The following DNMT3A variants were observed in gnomAD, a reference collection of about 807,000 sequenced individuals.
DNMT3A encodes DNA (cytosine-5)-methyltransferase 3A.
A neutral mutation model predicts 117.6 loss-of-function variants in DNMT3A; 267 were observed. The ratio of observed to expected loss-of-function variants is 2.27; its 90% CI spans 2.05 to 2.51. The LOEUF (loss-of-function observed/expected upper bound fraction) is 2.51. DNMT3A is among the 30% of genes most tolerant of loss of function. DNMT3A has a pLI of 0.00. For missense variants in DNMT3A, 1,029 were observed against 1,260.2 expected, an observed-to-expected ratio of 0.82 and a Z score of 2.78; for synonymous variants, 432 against 474.8, an observed-to-expected ratio of 0.91 and a Z score of 1.17.
At chr2:25,326,403 T>C (rs566565668) in intron 1 of DNMT3A, among the ~76,000 whole-genome samples, 5 of 152,206 alleles carry the variant, frequency 3.3e-5, no homozygotes, top group African/African-American at 1.2e-4. Flanking sequence ...TTGTTTGTTT[T>C]TGTATGGGAG....
intron 1 of DNMT3A, among the ~76,000 whole-genome samples, chr2:25,332,145 C>T (rs1433144022): frequency 6.6e-6 from 1 of 152,204 alleles, no homozygotes; most frequent in African/African-American, 2.4e-5. Flanking sequence ...GTCCTCGATG[C>T]CCTAGAATGA....
chr2:25,265,470 C>T (rs528644125), intron 6 of DNMT3A, among the ~76,000 whole-genome samples: 1 of 152,266 alleles, frequency 6.6e-6, no homozygotes, highest in African/African-American at 2.4e-5. Flanking sequence ...CCCATGTGGC[C>T]GCAACCTACT....
chr2:25,249,511 C>T (rs1675259780), intron 6 of DNMT3A: 3 of 916,428 alleles, frequency 3.3e-6, no homozygotes, highest in Non-Finnish European at 5.2e-6. Flanking sequence ...CTTCTATGTG[C>T]ACCCTTCAGA....
intron 6 of DNMT3A, among the ~76,000 whole-genome samples, chr2:25,271,045 A>AG (rs1250303319): frequency 1.3e-5 from 2 of 151,934 alleles, no homozygotes; most frequent in Non-Finnish European, 2.9e-5. Context: ...AAACCAAAAA[A>AG]CAAAAACAGG....
chr2:25,273,335 C>T (rs989281479), intron 6 of DNMT3A, among the ~76,000 whole-genome samples: 4 of 152,110 alleles, frequency 2.6e-5, no homozygotes, highest in Non-Finnish European at 5.9e-5. Flanking sequence ...TGGTCTCGAA[C>T]TCCTGACCTC....
At position 25,339,244 on chromosome 2, in the gene DNMT3A, G is replaced by A. The variant is rs1049544649; in HGVS notation, c.-178+2582C>T. On this transcript the variant is annotated intron_variant, in intron 1 of 22. Transcript: ENST00000321117. This position sits in a 1 kb window ranked among gnomAD's most constrained non-coding sequence, Gnocchi z 4.9. Reference sequence around the variant, plus strand: ...ATGTCAAAGCTGGAATGGACCTTCCGGCTCTAGTCCAACCCCCACCCCACA... The same window carrying A: ...ATGTCAAAGCTGGAATGGACCTTCCAGCTCTAGTCCAACCCCCACCCCACA... Among the ~76,000 whole-genome samples the A allele has an allele frequency of 6.6e-6, 1 of 152,018 alleles. No homozygotes were observed. Among genetic ancestry groups the A allele is most frequent in the South Asian group, 2.1e-4 (1 of 4,828 alleles).
At chr2:25,326,675 G>A (rs1339291672) in intron 1 of DNMT3A, among the ~76,000 whole-genome samples, 1 of 152,212 alleles carries the variant, frequency 6.6e-6, no homozygotes, top group African/African-American at 2.4e-5. Context: ...AGATCTTGCT[G>A]CATGGGCGCT....
Position 25,282,026 on chromosome 2 carries a change from G to A in DNMT3A, c.448+415C>T. On this transcript the variant is annotated intron_variant, in intron 4 of 22. Transcript: ENST00000321117. The surrounding 1 kb of genome is among the most constrained non-coding windows in gnomAD (Gnocchi z 5.2). Reference sequence around the variant, plus strand: ...CAGGAACTGCATGGCACGTGGGAGAGTAAGCAGGCCAGGTAGAGCTGCAGA... The same window carrying A: ...CAGGAACTGCATGGCACGTGGGAGAATAAGCAGGCCAGGTAGAGCTGCAGA... The A allele has an allele frequency of 8.8e-7, 1 of 1,136,394 alleles. No individual in the cohort carries two copies. The highest frequency in any genetic ancestry group is 1.1e-6 in the Non-Finnish European group (1 of 922,412). 70.4% of individuals were successfully genotyped at this position (1,136,394 alleles called of 1,614,324 possible).
intron 6 of DNMT3A, chr2:25,249,584 T>G: frequency 6.4e-7 from 1 of 1,562,184 alleles, no homozygotes; most frequent in South Asian, 1.1e-5. Context: ...AGGCGTGCTC[T>G]CTGCCATCCC....
At chr2:25,256,489 A>G (rs1676151385) in intron 6 of DNMT3A, among the ~76,000 whole-genome samples, 1 of 152,174 alleles carries the variant, frequency 6.6e-6, no homozygotes, top group Non-Finnish European at 1.5e-5. Flanking sequence ...TACTGGCTGC[A>G]TGTGTCTATT....
rs1425809317 is a variant in DNMT3A at position 25,257,500 on chromosome 2, G to A, written c.640-9248C>T. ...CTCTCCTGGCTTCTCTGGAGGGAGA[G>A]AAGTGGGGGTCTGGTCTTGGCTTAG... On this transcript the variant is annotated intron_variant, in intron 6 of 22. Transcript: ENST00000321117. The surrounding 1 kb of genome is among the most constrained non-coding windows in gnomAD (Gnocchi z 4.8). Among the ~76,000 whole-genome samples the A allele has an allele frequency of 1.3e-5, 2 of 152,176 alleles. No individual in the cohort carries two copies. Among genetic ancestry groups the A allele is most frequent in the African/African-American group, 4.8e-5 (2 of 41,440 alleles).
intron 6 of DNMT3A, among the ~76,000 whole-genome samples, chr2:25,250,668 A>G (rs1675414150): frequency 6.6e-6 from 1 of 152,136 alleles, no homozygotes; most frequent in South Asian, 2.1e-4. Flanking sequence ...CTCGCAGAGG[A>G]GCCCACACCA....
chr2:25,241,412 G>A, intron 17 of DNMT3A, 150 bp downstream of exon 17: 3 of 1,143,048 alleles, frequency 2.6e-6, no homozygotes, highest in Non-Finnish European at 3.6e-6. Context: ...CAAGACAGAG[G>A]ACAAATGGAA....
chr2:25,310,658 A>G (rs1197801245), intron 2 of DNMT3A, among the ~76,000 whole-genome samples: 1 of 152,158 alleles, frequency 6.6e-6, no homozygotes, highest in Non-Finnish European at 1.5e-5. Flanking sequence ...TTCTATCCGT[A>G]AAATATTTCC....
At chr2:25,341,280 C>G (rs1274714067) in intron 1 of DNMT3A, among the ~76,000 whole-genome samples, 1 of 144,680 alleles carries the variant, frequency 6.9e-6, no homozygotes, top group Non-Finnish European at 1.5e-5. Flanking sequence ...GGAGCCTGCG[C>G]GGGGCCCGGC....
chr2:25,276,294 T>A (rs887295444), intron 4 of DNMT3A, among the ~76,000 whole-genome samples: 2 of 152,078 alleles, frequency 1.3e-5, no homozygotes, highest in Non-Finnish European at 2.9e-5. Flanking sequence ...CAGTGTGACC[T>A]CTGTAACCTC....
chr2:25,237,120 C>T lies in DNMT3A; in HGVS notation c.2409-115G>A. 1 of 1,006,028 alleles carries T rather than the reference C, an allele frequency of 9.9e-7. No homozygotes were observed. The highest frequency in any genetic ancestry group is 1.5e-6 in the Non-Finnish European group (1 of 675,746). The allele number at this position is 1,006,028 out of a possible 1,614,324, so 62.3% of individuals were successfully genotyped here. ...GCCACTAGTTCACAGGGTAAGAGCC[C>T]CTTCCCCAAATCACGCACACACGTC... On this transcript the variant is annotated intron_variant, in intron 20 of 22. Transcript: ENST00000321117. The surrounding 1 kb of genome is among the most constrained non-coding windows in gnomAD (Gnocchi z 5.4).
chr2:25,300,729 ATATATATATATAT>A (rs2033440330), intron 2 of DNMT3A, among the ~76,000 whole-genome samples: 1 of 29,980 alleles, frequency 3.3e-5, no homozygotes, highest in Non-Finnish European at 5.9e-5. Flanking sequence ...ATATATATAT[ATATATATATATAT>A]ATATATATAT....
intron 1 of DNMT3A, among the ~76,000 whole-genome samples, chr2:25,325,342 C>CAGGCTG (rs2034745597): frequency 6.6e-6 from 1 of 152,178 alleles, no homozygotes; most frequent in African/African-American, 2.4e-5. Context: ...CAGGGTGGCA[C>CAGGCTG]AGAGTCCATG....
Sources: allele counts gnomAD v4.1 joint callset (sites outside exome capture counted in the v4.1 genomes callset), GRCh38; gene constraint gnomAD v4.1.1; non-coding constraint Gnocchi (gnomAD v3.1); transcripts MANE v1.5; gene names NCBI Gene and HGNC (gene_info 2026-07-23, HGNC 2026-07-21).